Variants in FAM135B observed in about 807,000 individuals in gnomAD.
The protein encoded by FAM135B is family with sequence similarity 135 member B.
FAM135B carries 43 observed loss-of-function variants against 127.7 expected under a neutral mutation model. That is an observed-to-expected ratio of 0.34 (90% CI 0.26 to 0.43). FAM135B has a LOEUF of 0.43. FAM135B is among the 20% of genes least tolerant of loss of function. FAM135B has a pLI of 1.00. For synonymous variants in FAM135B, 670 were observed against 665.1 expected (o/e 1.01, Z -0.11); for missense variants, 1,558 against 1,725.6 (o/e 0.90, Z 1.72).
chr8:138,355,111 A>G (rs1410933507), intron 2 of FAM135B, among the ~76,000 whole-genome samples: 2 of 152,030 alleles, frequency 1.3e-5, no homozygotes, highest in African/African-American at 4.8e-5. Flanking sequence ...ACACTTTTAC[A>G]CTGTTGGTGG....
chr8:138,185,538 C>CA (rs1329071348), intron 9 of FAM135B, among the ~76,000 whole-genome samples: 1 of 152,162 alleles, frequency 6.6e-6, no homozygotes, highest in Non-Finnish European at 1.5e-5. Flanking sequence ...CCCAAATACG[C>CA]AATCTCCGCC....
rs185295357 is a variant in FAM135B, at chr8:138,153,857, G to A, written c.1259-641C>T. ...CCTGCCTCTGTAGACTCCACCTCTCGGGGCAGGGCATAGCTGAACAAAAGG... is the reference window on the plus strand; with the variant it reads ...CCTGCCTCTGTAGACTCCACCTCTCAGGGCAGGGCATAGCTGAACAAAAGG... On this transcript the variant is annotated intron_variant, in intron 12 of 19. Transcript: ENST00000395297. Among the ~76,000 whole-genome samples the A allele has an allele frequency of 4.3e-3, 662 of 152,304 alleles. 6 individuals carry two copies. The highest frequency in any genetic ancestry group is 0.015 in the African/African-American group (623 of 41,576).
Position 138,497,224 on chromosome 8 carries a change from C to A in FAM135B, c.-573G>T, listed in dbSNP as rs1221429143. 6.6e-6 allele frequency among the ~76,000 whole-genome samples: 1 copy of A among 150,826 alleles called. No homozygotes were observed. The highest frequency in any genetic ancestry group is 2.4e-5 in the African/African-American group (1 of 41,282). On this transcript the variant is annotated 5_prime_UTR_variant, in exon 1 of 20. Coordinates refer to ENST00000395297, the MANE Select transcript of FAM135B (RefSeq NM_015912.4). ...TGCTGCTCCCGCTGGCTCCGCTCCG[C>A]AGCCGCTGCGCACCGCGTGGGTAGA...
At chr8:138,464,539 T>A (rs2131627911) in intron 1 of FAM135B, among the ~76,000 whole-genome samples, 1 of 152,206 alleles carries the variant, frequency 6.6e-6, no homozygotes, top group Non-Finnish European at 1.5e-5. Context: ...TCTGAACACA[T>A]GAAACATTAG....
At chr8:138,159,359 G>A (rs1453911781) in intron 12 of FAM135B, among the ~76,000 whole-genome samples, 1 of 149,392 alleles carries the variant, frequency 6.7e-6, no homozygotes, top group Non-Finnish European at 1.5e-5. Flanking sequence ...CAACCCAAAT[G>A]TCCATCAATG....
chr8:138,331,014 G>A (rs1381142811), intron 2 of FAM135B, among the ~76,000 whole-genome samples: 1 of 151,978 alleles, frequency 6.6e-6, no homozygotes, highest in African/African-American at 2.4e-5. Flanking sequence ...AGCTAATTTT[G>A]TATTTTTAGT....
chr8:138,165,725 AAC>A (rs1252627278), intron 12 of FAM135B, among the ~76,000 whole-genome samples: 5 of 152,198 alleles, frequency 3.3e-5, no homozygotes, highest in Non-Finnish European at 1.5e-5. Flanking sequence ...TATATATGCA[AAC>A]ACACATACAT....
chr8:138,431,442 G>A (rs959459226), intron 1 of FAM135B, among the ~76,000 whole-genome samples: 1 of 152,132 alleles, frequency 6.6e-6, no homozygotes, highest in Admixed American at 6.6e-5. Context: ...TTAAACCAGG[G>A]GTCCACAAAC....
intron 15 of FAM135B, among the ~76,000 whole-genome samples, chr8:138,144,013 G>A (rs1437826141): frequency 6.6e-6 from 1 of 152,214 alleles, no homozygotes; most frequent in East Asian, 1.9e-4. Flanking sequence ...AGAACCATAA[G>A]CTCTTCTGCT....
Position 138,132,756 on chromosome 8 carries a change from AGAGGGCCCAG to A in FAM135B, c.4048_4057del (p.Leu1350TrpfsTer9). The A allele has an allele frequency of 6.2e-7, 1 of 1,614,228 alleles. No individual in the cohort carries two copies. Among genetic ancestry groups the A allele is most frequent in the Non-Finnish European group, 8.5e-7 (1 of 1,180,040 alleles). On this transcript the variant is annotated frameshift_variant, in exon 20 of 20. Coordinates refer to ENST00000395297, the MANE Select transcript of FAM135B (RefSeq NM_015912.4). LOFTEE classifies it high-confidence loss of function. The surrounding 1 kb of genome is among the most constrained non-coding windows in gnomAD (Gnocchi z 4.5). ...TAAAGTGCAGTCCTTGGCTTCAACC[AGAGGGCCCAG>A]GAGGTTGTTGATCATTTCTGCATAA...
At chr8:138,495,791 C>CT (rs1286253099) in intron 1 of FAM135B, among the ~76,000 whole-genome samples, 7 of 152,304 alleles carry the variant, frequency 4.6e-5, no homozygotes, top group Non-Finnish European at 1.0e-4. Flanking sequence ...TGCCTCTCGG[C>CT]TTTGACACAT....
intron 1 of FAM135B, among the ~76,000 whole-genome samples, chr8:138,390,254 T>C (rs1285326553): frequency 6.6e-6 from 1 of 152,156 alleles, no homozygotes; most frequent in Non-Finnish European, 1.5e-5. Flanking sequence ...CTATGTGTTG[T>C]GGGAGGGAAC....
chr8:138,424,727 CTAGATTTTAG>C (rs1472226183), intron 1 of FAM135B, among the ~76,000 whole-genome samples: 1 of 152,136 alleles, frequency 6.6e-6, no homozygotes, highest in Non-Finnish European at 1.5e-5. Flanking sequence ...GTCCATTCCA[CTAGATTTTAG>C]TGCCTCTACT....
chr8:138,461,860 G>A (rs1837141783), intron 1 of FAM135B, among the ~76,000 whole-genome samples: 1 of 152,092 alleles, frequency 6.6e-6, no homozygotes, highest in Non-Finnish European at 1.5e-5. Flanking sequence ...TCTTCTCTCT[G>A]TATCGTTCAA....
At chr8:138,155,130 G>C (rs1464840829) in intron 12 of FAM135B, among the ~76,000 whole-genome samples, 3 of 152,136 alleles carry the variant, frequency 2.0e-5, no homozygotes, top group South Asian at 2.1e-4. Context: ...AAGAGAGTGG[G>C]GACCAATATT....
intron 1 of FAM135B, among the ~76,000 whole-genome samples, chr8:138,488,725 G>A (rs1815086619): frequency 6.6e-6 from 1 of 152,170 alleles, no homozygotes; most frequent in Admixed American, 6.5e-5. Flanking sequence ...GGAGTGCAGT[G>A]GTGCAATCTC....
intron 4 of FAM135B, among the ~76,000 whole-genome samples, chr8:138,259,904 G>A (rs2130578506): frequency 6.6e-6 from 1 of 152,302 alleles, no homozygotes; most frequent in Non-Finnish European, 1.5e-5. Flanking sequence ...AAATATTAAA[G>A]ATAGCTATAG....
intron 1 of FAM135B, among the ~76,000 whole-genome samples, chr8:138,380,519 C>A (rs1010428417): frequency 6.6e-6 from 1 of 152,110 alleles, no homozygotes; most frequent in African/African-American, 2.4e-5. Flanking sequence ...ATACCTCACG[C>A]ATCAAAGCAT....
intron 2 of FAM135B, among the ~76,000 whole-genome samples, chr8:138,323,173 C>T (rs781535306): frequency 2.0e-5 from 3 of 152,196 alleles, no homozygotes; most frequent in Non-Finnish European, 2.9e-5. Flanking sequence ...CCAATGTTTA[C>T]TGTGATGATC....
Sources: allele counts gnomAD v4.1 joint callset (sites outside exome capture counted in the v4.1 genomes callset), GRCh38; gene constraint gnomAD v4.1.1; non-coding constraint Gnocchi (gnomAD v3.1); transcripts MANE v1.5; gene names NCBI Gene and HGNC (gene_info 2026-07-23, HGNC 2026-07-21).